MAN2A1: variants seen among roughly 807,000 people sequenced by gnomAD.
The protein encoded by MAN2A1 is alpha-mannosidase 2.
Under a neutral mutation model 142.6 loss-of-function variants are expected in MAN2A1, and 76 were observed. The ratio of observed to expected loss-of-function variants is 0.53; its 90% CI spans 0.44 to 0.65. The LOEUF (loss-of-function observed/expected upper bound fraction) is 0.65, where lower values mean the gene tolerates loss of function less well. Ranked by LOEUF, MAN2A1 falls within the 30% of genes least tolerant of loss-of-function variation. MAN2A1 has a pLI of 0.00. For missense variants in MAN2A1, 1,311 were observed against 1,365.1 expected, an observed-to-expected ratio of 0.96 and a Z score of 0.62; for synonymous variants, 559 against 473.2, an observed-to-expected ratio of 1.18 and a Z score of -2.35.
intron 12 of MAN2A1, among the ~76,000 whole-genome samples, chr5:109,794,666 G>C (rs926147874): frequency 6.6e-6 from 1 of 152,068 alleles, no homozygotes; most frequent in Non-Finnish European, 1.5e-5. Flanking sequence ...TGGTCCTAGA[G>C]ACTCTTAAAC....
chr5:109,858,235 G>A (rs1755672747), intron 20 of MAN2A1, among the ~76,000 whole-genome samples: 1 of 152,170 alleles, frequency 6.6e-6, no homozygotes, highest in Non-Finnish European at 1.5e-5. Flanking sequence ...TCCTGTGTTA[G>A]CCTTTGACTC....
intron 1 of MAN2A1, among the ~76,000 whole-genome samples, chr5:109,709,010 C>T (rs968613095): frequency 2.0e-5 from 3 of 152,184 alleles, no homozygotes; most frequent in African/African-American, 7.2e-5. Context: ...AATTGCTAAA[C>T]CACCTGGGTT....
Position 109,816,369 on chromosome 5 carries a change from G to A in MAN2A1, c.1944-904G>A, listed in dbSNP as rs148933687. 3.3e-3 allele frequency among the ~76,000 whole-genome samples: 505 copies of A among 152,206 alleles called. 4 individuals carry two copies. The highest frequency in any genetic ancestry group is 0.012 in the African/African-American group (486 of 41,544). On this transcript the variant is annotated intron_variant, in intron 12 of 21. Coordinates refer to ENST00000261483, the MANE Select transcript of MAN2A1 (RefSeq NM_002372.4). The stretch of plus-strand genomic sequence containing the variant: ...TTTTTGTTCATACCAAAAGTTGCAC[G>A]TAGTTGCAAATATTGCCTAAACTTA...
chr5:109,832,639 C>G (rs554751249), intron 16 of MAN2A1, among the ~76,000 whole-genome samples: 7 of 152,172 alleles, frequency 4.6e-5, no homozygotes, highest in Non-Finnish European at 1.0e-4. Context: ...CCCTTCCACT[C>G]GACAAAACCG....
At chr5:109,802,957 A>G (rs1425997021) in intron 12 of MAN2A1, among the ~76,000 whole-genome samples, 1 of 152,042 alleles carries the variant, frequency 6.6e-6, no homozygotes, top group Admixed American at 6.5e-5. Flanking sequence ...ATAATTAAAT[A>G]TATATTTTTA....
At position 109,763,212 on chromosome 5, in the gene MAN2A1, T is replaced by G. The variant is rs570431013; in HGVS notation, c.836-4323T>G. Among the ~76,000 whole-genome samples, 21 of 152,310 alleles carry G rather than the reference T, an allele frequency of 1.4e-4. No individual in the cohort carries two copies. In the South Asian group the frequency reaches 4.1e-3, roughly 30 times the overall value. ...TGTATTCTGGTTTGATGTGGTCTTT[T>G]GGGGTGTACTGCAGCTGCTCAGCCT... On this transcript the variant is annotated intron_variant, in intron 5 of 21. Transcript: ENST00000261483.
intron 12 of MAN2A1, among the ~76,000 whole-genome samples, chr5:109,796,526 T>C (rs1217092238): frequency 6.6e-6 from 1 of 152,214 alleles, no homozygotes; most frequent in African/African-American, 2.4e-5. Flanking sequence ...TTCCACTGTG[T>C]CCATATTTTG....
intron 3 of MAN2A1, among the ~76,000 whole-genome samples, chr5:109,718,317 A>C (rs1326657374): frequency 6.6e-6 from 1 of 152,056 alleles, no homozygotes; most frequent in Non-Finnish European, 1.5e-5. Context: ...TTTAATTCTC[A>C]CCAATCTCAT....
chr5:109,788,884 A>T, intron 10 of MAN2A1, 50 bp from the exon 11 acceptor site: 2 of 837,346 alleles, frequency 2.4e-6, no homozygotes, highest in Non-Finnish European at 4.1e-6. Flanking sequence ...AAAATATTGT[A>T]TGCAGATTTT....
chr5:109,707,649 A>G (rs927821722), intron 1 of MAN2A1, among the ~76,000 whole-genome samples: 3 of 152,220 alleles, frequency 2.0e-5, no homozygotes, highest in African/African-American at 7.2e-5. Flanking sequence ...TGCAGAGGTG[A>G]CGTTTGGCAT....
chr5:109,697,910 G>T (rs1330754821), intron 1 of MAN2A1, among the ~76,000 whole-genome samples: 1 of 152,196 alleles, frequency 6.6e-6, no homozygotes. Flanking sequence ...TTATCTACAT[G>T]TTTCATAGAT....
rs111501817 is a variant in MAN2A1 at position 109,784,640 on chromosome 5, T to C, written c.1578-104T>C. ...TATCTTTTTCATAAATTGCTTGTAC[T>C]GCAATTATGGATTAAAAAATTTGTA... On this transcript the variant is annotated intron_variant, in intron 9 of 21. Coordinates refer to ENST00000261483, the MANE Select transcript of MAN2A1 (RefSeq NM_002372.4). The C allele has an allele frequency of 1.6e-4, 129 of 805,026 alleles. No individual in the cohort carries two copies. In the African/African-American group the frequency reaches 2.0e-3, roughly 12 times the overall value. The allele number at this position is 805,026 out of a possible 1,614,324, so 49.9% of individuals were successfully genotyped here.
chr5:109,786,709 G>T (rs1381160287), intron 10 of MAN2A1, among the ~76,000 whole-genome samples: 1 of 152,038 alleles, frequency 6.6e-6, no homozygotes, highest in Non-Finnish European at 1.5e-5. Context: ...TAACAAAGAG[G>T]TAGTTAGTAT....
At chr5:109,727,051 A>G (rs1751764901) in intron 3 of MAN2A1, among the ~76,000 whole-genome samples, 1 of 152,158 alleles carries the variant, frequency 6.6e-6, no homozygotes, top group African/African-American at 2.4e-5. Flanking sequence ...ATGTAGGTAG[A>G]TATAGTATAT....
In MAN2A1 at chr5:109,842,366, G is replaced by A; in HGVS notation, c.2605G>A (p.Asp869Asn). ...GTCTGTGGAAGTTTCCAATATTGTGGACATCCGAAAAGTATATAACCGTGA... is the reference window on the plus strand; with the variant it reads ...GTCTGTGGAAGTTTCCAATATTGTGAACATCCGAAAAGTATATAACCGTGA... Reference protein sequence around the residue: ...GQSVEVSNIVDIRKVYNREIA... With the variant: ...GQSVEVSNIVNIRKVYNREIA... Residue 869 changes from aspartate (D) to asparagine (N), a missense_variant, in exon 17 of 22, where the codon GAC (aspartate) becomes AAC (asparagine). Asp to Asn is a conservative substitution (Grantham distance 23, BLOSUM62 1). Around this residue, in one of 3 missense-constraint regions of MAN2A1, gnomAD observed 890 missense variants for 920.5 expected, o/e 0.97. Coordinates refer to ENST00000261483, the MANE Select transcript of MAN2A1 (RefSeq NM_002372.4). The A allele has an allele frequency of 6.3e-7, 1 of 1,589,356 alleles. No homozygotes were observed. The highest frequency in any genetic ancestry group is 8.6e-7 in the Non-Finnish European group (1 of 1,162,840).
chr5:109,774,719 A>T, intron 7 of MAN2A1, 69 bp from the exon 8 acceptor site: 1 of 1,155,524 alleles, frequency 8.7e-7, no homozygotes, highest in Non-Finnish European at 1.2e-6. Flanking sequence ...CTTTTTAATC[A>T]ATTGTCACAT....
chr5:109,867,109 T>C lies in MAN2A1; in HGVS notation c.*111T>C. ...CTTCTGGCTACTGTGAGAACATGAA[T>C]TCTGTGATTCTGTGGGTTTTTTCTT... On this transcript the variant is annotated 3_prime_UTR_variant, in exon 22 of 22. Transcript: ENST00000261483. 1 of 695,766 alleles carries C rather than the reference T, an allele frequency of 1.4e-6. No homozygotes were observed. Among genetic ancestry groups the C allele is most frequent in the Non-Finnish European group, 2.2e-6 (1 of 451,096 alleles). The allele number at this position is 695,766 out of a possible 1,614,324, so 43.1% of individuals were successfully genotyped here.
chr5:109,708,584 T>C (rs1751208850), intron 1 of MAN2A1, among the ~76,000 whole-genome samples: 1 of 144,568 alleles, frequency 6.9e-6, no homozygotes, highest in Non-Finnish European at 1.5e-5. Context: ...CTTATTTGAT[T>C]ATGGAGACTG....
intron 1 of MAN2A1, among the ~76,000 whole-genome samples, chr5:109,707,615 T>G (rs2112553857): frequency 6.6e-6 from 1 of 152,292 alleles, no homozygotes; most frequent in South Asian, 2.1e-4. Context: ...AGGAGGCCTG[T>G]TTTAGACTGG....
Sources: allele counts gnomAD v4.1 joint callset (sites outside exome capture counted in the v4.1 genomes callset), GRCh38; gene constraint gnomAD v4.1.1; regional missense constraint gnomAD v4.1.1; transcripts MANE v1.5; gene names NCBI Gene and HGNC (gene_info 2026-07-23, HGNC 2026-07-21).